The following PAK6 variants were observed in gnomAD, a reference collection of about 807,000 sequenced individuals.
PAK6 encodes the protein serine/threonine-protein kinase PAK 6.
Under a neutral mutation model 60.8 loss-of-function variants are expected in PAK6, and 33 were observed. The ratio of observed to expected loss-of-function variants is 0.54; its 90% CI spans 0.41 to 0.73. PAK6 has a LOEUF of 0.73. Ranked by LOEUF, PAK6 falls within the 30% of genes least tolerant of loss-of-function variation. The pLI, the probability that PAK6 is intolerant of heterozygous loss-of-function variation, is 0.00. For missense variants in PAK6, 845 were observed against 904.1 expected (o/e 0.93, Z 0.84); for synonymous variants, 404 against 378.5 (o/e 1.07, Z -0.78).
chr15:40,263,867 T>A (rs1373328933), intron 3 of PAK6: 1 of 455,476 alleles, frequency 2.2e-6, no homozygotes, highest in Non-Finnish European at 4.4e-6. Flanking sequence ...TCCACCCGCC[T>A]CGGCCTCCCA....
At chr15:40,275,280 G>GTTTTTTTTTTTGTTGTT (rs1555389201) in intron 10 of PAK6, among the ~76,000 whole-genome samples, 5 of 56,482 alleles carry the variant, frequency 8.9e-5, no homozygotes, top group Non-Finnish European at 9.2e-5. Context: ...GTTGTTGTTG[G>GTTTTTTTTTTTGTTGTT]TTTTTTTTTT....
At chr15:40,242,937 T>C (rs776135875) in intron 2 of PAK6, among the ~76,000 whole-genome samples, 7 of 152,022 alleles carry the variant, frequency 4.6e-5, no homozygotes, top group Non-Finnish European at 8.8e-5. Context: ...AGGACAGAGC[T>C]CTTGCCCTGG....
intron 3 of PAK6, among the ~76,000 whole-genome samples, chr15:40,261,542 A>G (rs2038986210): frequency 6.7e-6 from 1 of 149,828 alleles, no homozygotes; most frequent in East Asian, 1.9e-4. Flanking sequence ...ATCTCAAAAA[A>G]TATATATATA....
At chr15:40,264,666 C>T (rs1392660373) in intron 3 of PAK6, 115 bp from the exon 4 acceptor site, 1 of 828,030 alleles carries the variant, frequency 1.2e-6, no homozygotes. Context: ...AAGCCCTAGG[C>T]TTCTAGGGGA....
intron 5 of PAK6, among the ~76,000 whole-genome samples, chr15:40,268,909 C>A (rs1236689908): frequency 3.9e-5 from 6 of 152,212 alleles, no homozygotes; most frequent in Non-Finnish European, 8.8e-5. Context: ...CCACGGGCGT[C>A]CTGCGGGTTC....
chr15:40,262,017 G>T (rs1427499401), intron 3 of PAK6, among the ~76,000 whole-genome samples: 1 of 150,076 alleles, frequency 6.7e-6, no homozygotes, highest in African/African-American at 2.4e-5. Flanking sequence ...GCGCTTGGGT[G>T]GGGCAGGGGA....
chr15:40,244,636 G>A (rs1409597007), intron 2 of PAK6, among the ~76,000 whole-genome samples: 1 of 152,010 alleles, frequency 6.6e-6, no homozygotes, highest in Non-Finnish European at 1.5e-5. Flanking sequence ...GACCTCAGGT[G>A]ATCCGCCGAC....
At chr15:40,269,947 G>A (rs1340928999) in intron 5 of PAK6, among the ~76,000 whole-genome samples, 1 of 152,244 alleles carries the variant, frequency 6.6e-6, no homozygotes, top group African/African-American at 2.4e-5. Context: ...GGCCAGGAGG[G>A]GAATGATCTC....
intron 1 of PAK6, among the ~76,000 whole-genome samples, chr15:40,240,323 C>T (rs968314682): frequency 1.3e-5 from 2 of 152,204 alleles, no homozygotes; most frequent in African/African-American, 4.8e-5. Flanking sequence ...TACGGCTTCC[C>T]CATGATCAGG....
chr15:40,251,761 G>A (rs1266182948), intron 2 of PAK6: 4 of 152,374 alleles, frequency 2.6e-5, no homozygotes, highest in Admixed American at 6.5e-5. Context: ...TTTATCTGGG[G>A]AAGAGATGAG....
chr15:40,274,813 C>A (rs574421705), intron 10 of PAK6, among the ~76,000 whole-genome samples: 1 of 152,150 alleles, frequency 6.6e-6, no homozygotes, highest in Non-Finnish European at 1.5e-5. Context: ...TTTGCCAAAT[C>A]GGCCCCAACC....
At chr15:40,243,994 C>T (rs529170113) in intron 2 of PAK6, among the ~76,000 whole-genome samples, 1 of 152,284 alleles carries the variant, frequency 6.6e-6, no homozygotes, top group African/African-American at 2.4e-5. Flanking sequence ...CAGACAAGGC[C>T]ACGGCAGGCT....
chr15:40,243,548 A>G (rs1411421726), intron 2 of PAK6, among the ~76,000 whole-genome samples: 1 of 152,220 alleles, frequency 6.6e-6, no homozygotes, highest in Non-Finnish European at 1.5e-5. Flanking sequence ...CACCGTGATG[A>G]TAACTGGTGT....
At chr15:40,260,712 T>C (rs1331416002) in intron 3 of PAK6, among the ~76,000 whole-genome samples, 1 of 152,218 alleles carries the variant, frequency 6.6e-6, no homozygotes, top group Non-Finnish European at 1.5e-5. Context: ...TTTAAATTAA[T>C]CTGCAGGTTA....
At chr15:40,257,192 T>TCCTCTCTTCCCAGTCGCCCG (rs1182133192) in intron 3 of PAK6, 1 of 152,388 alleles carries the variant, frequency 6.6e-6, no homozygotes, top group Non-Finnish European at 1.5e-5. Context: ...GGCAGCGGCC[T>TCCTCTCTTCCCAGTCGCCCG]CCTCTCTTCC....
chr15:40,255,213 C>T (rs924178345), intron 3 of PAK6, among the ~76,000 whole-genome samples: 4 of 152,078 alleles, frequency 2.6e-5, no homozygotes, highest in Non-Finnish European at 4.4e-5. Flanking sequence ...GTAGGCCGGG[C>T]GCGGTGGCTC....
intron 3 of PAK6, among the ~76,000 whole-genome samples, chr15:40,254,511 C>T (rs181285433): frequency 4.6e-5 from 7 of 152,310 alleles, no homozygotes; most frequent in Non-Finnish European, 4.4e-5. Context: ...GAAACAGCAG[C>T]GCCCCCTGCA....
At chr15:40,252,869 G>A in intron 2 of PAK6, 5 of 1,248,524 alleles carry the variant, frequency 4.0e-6, no homozygotes, top group East Asian at 6.8e-5. Context: ...CTCCGCGGGC[G>A]CCCGCCCGGC....
chr15:40,275,944 A>G, exon 11 of PAK6: 1 of 1,613,058 alleles, frequency 6.2e-7, no homozygotes, highest in Middle Eastern at 1.7e-4. Flanking sequence ...CAGTGCTGCG[A>G]GACTTCCTGG....
Sources: allele counts gnomAD v4.1 joint callset (sites outside exome capture counted in the v4.1 genomes callset), GRCh38; gene constraint gnomAD v4.1.1; transcripts MANE v1.5; gene names NCBI Gene and HGNC (gene_info 2026-07-23, HGNC 2026-07-21).